The following GEN1 variants were observed in gnomAD, a reference collection of about 807,000 sequenced individuals.
GEN1 encodes the protein GEN1 structure-specific endonuclease, also known as flap endonuclease GEN homolog 1.
Under a neutral mutation model 67.6 loss-of-function variants are expected in GEN1, and 64 were observed. That is an observed-to-expected ratio of 0.95 (90% CI 0.77 to 1.17). The LOEUF (loss-of-function observed/expected upper bound fraction) is 1.17. Among genes scored for constraint, GEN1 ranks in the 50% most tolerant of loss-of-function variants. The pLI is 0.00. For synonymous variants in GEN1, 371 were observed against 359.4 expected, an observed-to-expected ratio of 1.03 and a Z score of -0.37; for missense variants, 1,058 against 1,048.3, an observed-to-expected ratio of 1.01 and a Z score of -0.13.
intron 4 of GEN1, 105 bp downstream of exon 4, chr2:17,765,178 C>T: frequency 9.8e-7 from 1 of 1,024,686 alleles, no homozygotes; most frequent in South Asian, 1.5e-5. Flanking sequence ...TAATGCCTTG[C>T]ACGTAGCAAT....
At position 17,786,069 on chromosome 2, in the gene GEN1, C is replaced by CT. The variant is rs1048007101; in HGVS notation, c.*4134dup. The CT allele has an allele frequency of 2.4e-4, 37 of 152,294 alleles. No homozygotes were observed. Among genetic ancestry groups the CT allele is most frequent in the African/African-American group, 8.7e-4 (36 of 41,556 alleles). The allele number at this position is 152,294 out of a possible 1,614,324, so 9.4% of individuals were successfully genotyped here. A position where few individuals can be genotyped will look rare whatever the true frequency, so the allele number is the denominator to read the frequency against. On this transcript the variant is annotated 3_prime_UTR_variant, in exon 14 of 14. Transcript: ENST00000381254. ...CTGTGACCCTGGAGACATTTTCTAA[C>CT]TTTTCTGAGACTCATTTATTCAAAT...
At position 17,764,986 on chromosome 2, in the gene GEN1, T is replaced by G; in HGVS notation, c.438T>G (p.Gly146=). ...TGTGTGCTTATCTCAATGCTGGTGG[T>G]CATGTCGATGGCTGCCTCACCAATG... ...EAMCAYLNAG[G]HVDGCLTNDG... is the part of the protein sequence containing the mutation. Residue 146 remains glycine, a synonymous_variant, in exon 4 of 14, where the codon GGT becomes GGG. Coordinates refer to ENST00000381254, the MANE Select transcript of GEN1 (RefSeq NM_001130009.3). The G allele has an allele frequency of 6.2e-7, 1 of 1,614,192 alleles. No homozygotes were observed. Among genetic ancestry groups the G allele is most frequent in the Non-Finnish European group, 8.5e-7 (1 of 1,180,012 alleles).
Position 17,773,036 on chromosome 2 carries a change from G to A in GEN1, c.954-60G>A, listed in dbSNP as rs974407943. On this transcript the variant is annotated intron_variant, in intron 8 of 13. Transcript: ENST00000381254. ...TAAATGGGAGGAGATTGGCTGAGAT[G>A]ATTTCAGAGTCTAAAATTGTCTGAT... 28 of 1,095,490 alleles carry A rather than the reference G, an allele frequency of 2.6e-5. No homozygotes were observed. The African/African-American group carries it at 4.3e-4, about 17-fold the overall frequency. The allele number at this position is 1,095,490 out of a possible 1,614,324, so 67.9% of individuals were successfully genotyped here.
intron 11 of GEN1, 83 bp from the exon 12 acceptor site, chr2:17,777,918 TC>T: frequency 2.7e-6 from 2 of 732,974 alleles, no homozygotes; most frequent in Non-Finnish European, 4.7e-6. Flanking sequence ...GAAAAAAAAA[TC>T]TATGGAAATT....
Position 17,784,697 on chromosome 2 carries a change from GAAAA to G in GEN1, c.*2761_*2764del, listed in dbSNP as rs947042393. Reference sequence around the variant, plus strand: ...TTGCAATGTTTTGAATATTCAGAGAGAAAAAAGTCGTTGCTAAAACATTTTCCAA... The same window carrying G: ...TTGCAATGTTTTGAATATTCAGAGAGAAGTCGTTGCTAAAACATTTTCCAA... On this transcript the variant is annotated 3_prime_UTR_variant, in exon 14 of 14. Transcript: ENST00000381254. 2 of 151,916 alleles carry G rather than the reference GAAAA, an allele frequency of 1.3e-5. No individual in the cohort carries two copies. Among genetic ancestry groups the G allele is most frequent in the African/African-American group, 4.9e-5 (2 of 41,214 alleles). 9.4% of individuals were successfully genotyped at this position (151,916 alleles called of 1,614,324 possible). A position where few individuals can be genotyped will look rare whatever the true frequency, so the allele number is the denominator to read the frequency against.
At chr2:17,760,992 AG>A (rs2125121032) in intron 2 of GEN1, among the ~76,000 whole-genome samples, 1 of 150,704 alleles carries the variant, frequency 6.6e-6, no homozygotes, top group African/African-American at 2.4e-5. Flanking sequence ...GCACTTTGCG[AG>A]GCTGAGATGG....
At position 17,759,973 on chromosome 2, in the gene GEN1, G is replaced by A; in HGVS notation, c.30G>A (p.Leu10=). 1 of 1,613,858 alleles carries A rather than the reference G, an allele frequency of 6.2e-7. No individual in the cohort carries two copies. Among genetic ancestry groups the A allele is most frequent in the Non-Finnish European group, 8.5e-7 (1 of 1,179,910 alleles). Residue 10 remains leucine (L), a synonymous_variant, in exon 2 of 14, where the codon TTG becomes TTA. Coordinates refer to ENST00000381254, the MANE Select transcript of GEN1 (RefSeq NM_001130009.3). ...GAGTGAATGACTTGTGGCAAATTTT[G>A]GAGCCTGTTAAGCAACACATCCCCT... MGVNDLWQI[L]EPVKQHIPLR... is the part of the protein sequence containing the mutation.
In GEN1 at chr2:17,778,354, GTACATATA is replaced by G. The variant is rs1672629292; in HGVS notation, c.1264+293_1264+300del. 1.0e-4 allele frequency among the ~76,000 whole-genome samples: 5 copies of G among 49,160 alleles called. 1 individual carries two copies. Among genetic ancestry groups the G allele is most frequent in the Non-Finnish European group, 2.0e-4 (5 of 25,028 alleles). The allele number at this position is 49,160 out of a possible 152,430, so 32.3% of individuals were successfully genotyped here. The stretch of plus-strand genomic sequence containing the variant: ...CATATATGTATACACACACATGTGT[GTACATATA>G]TGTATATACACACACATATATGTGT... On this transcript the variant is annotated intron_variant, in intron 12 of 13. Coordinates refer to ENST00000381254, the MANE Select transcript of GEN1 (RefSeq NM_001130009.3).
At chr2:17,761,864 A>G (rs969292814) in intron 3 of GEN1, among the ~76,000 whole-genome samples, 1 of 152,174 alleles carries the variant, frequency 6.6e-6, no homozygotes, top group Admixed American at 6.5e-5. Flanking sequence ...TGATAAAAAT[A>G]AGAGAAAGTA....
Position 17,770,925 on chromosome 2 carries a change from T to C in GEN1, c.711-271T>C, listed in dbSNP as rs1036492122. 4.0e-5 allele frequency among the ~76,000 whole-genome samples: 6 copies of C among 151,374 alleles called. No homozygotes were observed. The South Asian group carries it at 8.3e-4, about 21-fold the overall frequency. On this transcript the variant is annotated intron_variant, in intron 6 of 13. Coordinates refer to ENST00000381254, the MANE Select transcript of GEN1 (RefSeq NM_001130009.3). ...ATATATATACATACATATATATATA[T>C]ACAATTTTTTTTAATAGAGATACCG...
chr2:17,753,324 T>TGGGGACGGCGGCCTGGGA (rs1671167621), upstream of GEN1, among the ~76,000 whole-genome samples: 1 of 123,630 alleles, frequency 8.1e-6, no homozygotes, highest in Non-Finnish European at 1.8e-5. Context: ...CGGGAGAGTC[T>TGGGGACGGCGGCCTGGGA]GGGGACGGCC....
chr2:17,764,804 T>A, intron 3 of GEN1, 93 bp from the exon 4 acceptor site: 1 of 1,151,712 alleles, frequency 8.7e-7, no homozygotes, highest in South Asian at 1.7e-5. Flanking sequence ...AAATAGCTAC[T>A]ATTAATATTT....
At chr2:17,770,327 A>T (rs1032795114) in intron 6 of GEN1, among the ~76,000 whole-genome samples, 1 of 152,070 alleles carries the variant, frequency 6.6e-6, no homozygotes, top group African/African-American at 2.4e-5. Context: ...TTGCCGTGCT[A>T]TTCTTTATCT....
At chr2:17,758,586 A>G (rs560478973) in intron 1 of GEN1, among the ~76,000 whole-genome samples, 13 of 152,348 alleles carry the variant, frequency 8.5e-5, no homozygotes, top group South Asian at 6.2e-4. Context: ...ATTCTGGGCC[A>G]CTGTTACTAC....
chr2:17,760,159 C>A, intron 2 of GEN1, 55 bp downstream of exon 2: 1 of 1,448,508 alleles, frequency 6.9e-7, no homozygotes, highest in Non-Finnish European at 9.3e-7. Context: ...GTCTTGGTAT[C>A]TTGATTTTGT....
intron 7 of GEN1, 119 bp from the exon 8 acceptor site, chr2:17,772,515 C>T: frequency 4.3e-6 from 3 of 695,600 alleles, no homozygotes; most frequent in Non-Finnish European, 7.1e-6. Flanking sequence ...TTTCTATATG[C>T]TAGGTAGTGT....
At chr2:17,759,626 C>A (rs1671582171) in intron 1 of GEN1, among the ~76,000 whole-genome samples, 1 of 151,508 alleles carries the variant, frequency 6.6e-6, no homozygotes, top group Admixed American at 6.6e-5. Context: ...AGAATTAGTC[C>A]CATTCTCTAA....
In GEN1 at chr2:17,771,382, T is replaced by G. The variant is rs375778741; in HGVS notation, c.802+95T>G. On this transcript the variant is annotated intron_variant, in intron 7 of 13. Transcript: ENST00000381254. ...TTTACATGCCAATATTAATAATACT[T>G]TGAAGGGTTTTACATTGTCTTCTCC... The G allele has an allele frequency of 4.3e-3, 3,367 of 775,388 alleles. 104 individuals are homozygous for G. The South Asian group carries it at 0.049, about 11-fold the overall frequency. The allele number at this position is 775,388 out of a possible 1,614,324, so 48.0% of individuals were successfully genotyped here. A position where few individuals can be genotyped will look rare whatever the true frequency, so the allele number is the denominator to read the frequency against.
intron 3 of GEN1, among the ~76,000 whole-genome samples, chr2:17,764,084 CG>C (rs1418089953): frequency 6.6e-6 from 1 of 152,154 alleles, no homozygotes; most frequent in Admixed American, 6.5e-5. Context: ...AGCTACCCAG[CG>C]GGGTTAAATT....
Sources: gnomAD v4.1 joint callset for allele counts (sites outside exome capture counted in the v4.1 genomes callset) on GRCh38, gnomAD v4.1.1 for gene constraint, MANE v1.5 for transcripts, NCBI Gene and HGNC (gene_info 2026-07-23, HGNC 2026-07-21) for gene names.